The following PYGO1 variants were observed in gnomAD, a reference collection of about 807,000 sequenced individuals.
The protein encoded by PYGO1 is pygopus homolog 1.
Under a neutral mutation model 29.5 loss-of-function variants are expected in PYGO1, and 6 were observed. That is an observed-to-expected ratio of 0.20 (90% CI 0.11 to 0.40). PYGO1 has a LOEUF of 0.40. Among genes scored for constraint, PYGO1 ranks in the 10% least tolerant of loss-of-function variants. The probability of loss-of-function intolerance (pLI) is 1.00; values close to 1 mark genes in which losing one functional copy is unlikely to be tolerated. For missense variants in PYGO1, 515 were observed against 514.9 expected, an observed-to-expected ratio of 1.00 and a Z score of 0.00; for synonymous variants, 186 against 180.5, an observed-to-expected ratio of 1.03 and a Z score of -0.24.
At chr15:55,554,750 G>C (rs1261663659) in intron 1 of PYGO1, among the ~76,000 whole-genome samples, 4 of 152,042 alleles carry the variant, frequency 2.6e-5, no homozygotes, top group African/African-American at 7.2e-5. Flanking sequence ...CAGCAGAACA[G>C]ACCAAGCAAA....
chr15:55,552,650 T>C (rs1013427703), intron 1 of PYGO1, among the ~76,000 whole-genome samples: 5 of 152,026 alleles, frequency 3.3e-5, no homozygotes, highest in African/African-American at 4.8e-5. Context: ...CCACAGATCT[T>C]TGCAACCCAC....
At chr15:55,549,868 A>G (rs2058871061) in intron 1 of PYGO1, among the ~76,000 whole-genome samples, 1 of 152,200 alleles carries the variant, frequency 6.6e-6, no homozygotes, top group Admixed American at 6.5e-5. Context: ...CCATATGCCT[A>G]TCACCCAGCC....
intron 2 of PYGO1, among the ~76,000 whole-genome samples, chr15:55,548,707 T>TAAA (rs60796044): frequency 5.8e-4 from 32 of 55,436 alleles, no homozygotes; most frequent in African/African-American, 6.7e-4. Context: ...AGAATCCACC[T>TAAA]AAAAAAAAAA....
intron 1 of PYGO1, among the ~76,000 whole-genome samples, chr15:55,572,614 C>T (rs145744055): frequency 1.3e-5 from 2 of 152,138 alleles, no homozygotes; most frequent in East Asian, 1.9e-4. Context: ...AGGCAGCCTA[C>T]AAAAATGGGA....
chr15:55,570,693 A>G (rs944125483), intron 1 of PYGO1, among the ~76,000 whole-genome samples: 19 of 152,242 alleles, frequency 1.2e-4, no homozygotes, highest in Middle Eastern at 3.4e-3. Flanking sequence ...AGTTTCCTCT[A>G]TAATGCTATC....
At chr15:55,561,601 C>A (rs1253828356) in intron 1 of PYGO1, among the ~76,000 whole-genome samples, 2 of 152,198 alleles carry the variant, frequency 1.3e-5, no homozygotes, top group South Asian at 2.1e-4. Flanking sequence ...TCGCTTCCCA[C>A]CAGATTCCTC....
At chr15:55,584,509 T>C (rs1218548472) in intron 1 of PYGO1, among the ~76,000 whole-genome samples, 2 of 152,180 alleles carry the variant, frequency 1.3e-5, no homozygotes, top group Admixed American at 6.5e-5. Context: ...ATCAGATCAA[T>C]GCCTAAAAGA....
At chr15:55,562,858 C>T (rs2058938947) in intron 1 of PYGO1, among the ~76,000 whole-genome samples, 1 of 152,066 alleles carries the variant, frequency 6.6e-6, no homozygotes, top group Non-Finnish European at 1.5e-5. Context: ...GAGCTAGAAG[C>T]TGTTACCCTC....
Position 55,587,891 on chromosome 15 carries a change from C to A in PYGO1, c.-8G>T, listed in dbSNP as rs2059055776. On this transcript the variant is annotated 5_prime_UTR_variant, in exon 1 of 3. Coordinates refer to ENST00000563719, the MANE Select transcript of PYGO1 (RefSeq NM_001367806.1). ...CTCCTGTTCTGCTGACATTACAGAC[C>A]GCAAAGCATGACTCCCCCCCAGGCC... 1.4e-6 allele frequency: 2 copies of A among 1,475,502 alleles called. No homozygotes were observed. Among genetic ancestry groups the A allele is most frequent in the Admixed American group, 2.2e-5 (1 of 45,754 alleles). The allele number at this position is 1,475,502 out of a possible 1,614,324, so 91.4% of individuals were successfully genotyped here. A position where few individuals can be genotyped will look rare whatever the true frequency, so the allele number is the denominator to read the frequency against.
chr15:55,584,851 G>C (rs1469565425), intron 1 of PYGO1, among the ~76,000 whole-genome samples: 2 of 152,134 alleles, frequency 1.3e-5, no homozygotes, highest in African/African-American at 4.8e-5. Context: ...AGGACAGTTT[G>C]GAAGACCACA....
chr15:55,551,508 C>CA (rs1237540709), intron 1 of PYGO1, among the ~76,000 whole-genome samples: 1 of 152,142 alleles, frequency 6.6e-6, no homozygotes, highest in Non-Finnish European at 1.5e-5. Flanking sequence ...CCTAAGAATA[C>CA]AGATGTGGCC....
At chr15:55,588,830 G>A, upstream of PYGO1, 3 of 1,614,060 alleles carry the variant, frequency 1.9e-6, no homozygotes, top group Non-Finnish European at 2.5e-6. Context: ...GTAAGCGGGA[G>A]CTGGAGAGTT....
intron 1 of PYGO1, among the ~76,000 whole-genome samples, chr15:55,562,223 C>G (rs1011695578): frequency 6.6e-6 from 1 of 152,168 alleles, no homozygotes; most frequent in South Asian, 2.1e-4. Context: ...AAAAGGAACA[C>G]TTTTACACTG....
chr15:55,546,092 A>G lies in PYGO1; in HGVS notation c.1191T>C (p.Ala397=), dbSNP rs1289884690. The stretch of plus-strand genomic sequence containing the variant: ...TACGCATTAACTGGACATCTTTGTC[A>G]GCCATACAGGTATCACAGCCCCATA... The part of the protein sequence containing the change: ...SAVWGCDTCM[A]DKDVQLMRTR... Residue 397 remains alanine, a synonymous_variant, in exon 3 of 3, where the codon GCT becomes GCC. Transcript: ENST00000563719. 1.2e-6 allele frequency: 2 copies of G among 1,614,076 alleles called. No homozygotes were observed. Among genetic ancestry groups the G allele is most frequent in the South Asian group, 1.1e-5 (1 of 91,080 alleles).
At chr15:55,557,744 A>C (rs144722576) in intron 1 of PYGO1, among the ~76,000 whole-genome samples, 2,000 of 152,304 alleles carry the variant, frequency 0.013, 48 homozygotes, top group African/African-American at 0.045. Context: ...GACAAAAACC[A>C]CATGATTATC....
rs1298193851 is a variant in PYGO1, at chr15:55,563,403, GT to G, written c.50-14409del. On this transcript the variant is annotated intron_variant, in intron 1 of 2. Coordinates refer to ENST00000563719, the MANE Select transcript of PYGO1 (RefSeq NM_001367806.1). Reference sequence around the variant, plus strand: ...TTTTTTTGAGACGAAGTCTTGCTCTGTCGCCCAGGCTGGAGTGCAGTGGCAC... The same window carrying G: ...TTTTTTTGAGACGAAGTCTTGCTCTGCGCCCAGGCTGGAGTGCAGTGGCAC... Among the ~76,000 whole-genome samples, 4 of 131,946 alleles carry G rather than the reference GT, an allele frequency of 3.0e-5. No homozygotes were observed. The South Asian group carries it at 9.5e-4, about 31-fold the overall frequency. 86.6% of individuals were successfully genotyped at this position (131,946 alleles called of 152,430 possible). A position where few individuals can be genotyped will look rare whatever the true frequency, so the allele number is the denominator to read the frequency against.
At chr15:55,555,371 G>C (rs1446442775) in intron 1 of PYGO1, among the ~76,000 whole-genome samples, 2 of 151,810 alleles carry the variant, frequency 1.3e-5, no homozygotes, top group Non-Finnish European at 2.9e-5. Context: ...ACTAAATATG[G>C]AAAGGAAAAA....
chr15:55,558,324 C>A (rs1332913728), intron 1 of PYGO1, among the ~76,000 whole-genome samples: 2 of 150,978 alleles, frequency 1.3e-5, no homozygotes, highest in Non-Finnish European at 3.0e-5. Flanking sequence ...GAACTACAAA[C>A]CACTGCTCAA....
chr15:55,541,598 G>A lies in PYGO1; in HGVS notation c.*4425C>T, dbSNP rs1191650349. ...TCCCACTATCTTCATTCATACCTTA[G>A]TAGAAAATGCTTTTCTCTTAAAGTC... On this transcript the variant is annotated 3_prime_UTR_variant, in exon 3 of 3. Transcript: ENST00000563719. 2.0e-5 allele frequency: 3 copies of A among 152,088 alleles called. No homozygotes were observed. The highest frequency in any genetic ancestry group is 7.2e-5 in the African/African-American group (3 of 41,416). 9.4% of individuals were successfully genotyped at this position (152,088 alleles called of 1,614,324 possible). A position where few individuals can be genotyped will look rare whatever the true frequency, so the allele number is the denominator to read the frequency against.
Sources: gnomAD v4.1 joint callset for allele counts (sites outside exome capture counted in the v4.1 genomes callset) on GRCh38, gnomAD v4.1.1 for gene constraint, MANE v1.5 for transcripts, NCBI Gene and HGNC (gene_info 2026-07-23, HGNC 2026-07-21) for gene names.